The following AHDC1 variants were observed in gnomAD, a reference collection of about 807,000 sequenced individuals.
AHDC1 encodes the protein transcription factor Gibbin.
AHDC1 carries 7 observed loss-of-function variants against 87.9 expected under a neutral mutation model. The ratio of observed to expected loss-of-function variants is 0.08; its 90% CI spans 0.05 to 0.15. AHDC1 has a LOEUF of 0.15. AHDC1 is among the 10% of genes least tolerant of loss of function. AHDC1 has a pLI of 1.00. For synonymous variants in AHDC1, 1,051 were observed against 1,006.8 expected, an observed-to-expected ratio of 1.04 and a Z score of -0.83; for missense variants, 1,841 against 2,253.2, an observed-to-expected ratio of 0.82 and a Z score of 3.70.
chr1:27,550,592 C>T lies in AHDC1; in HGVS notation c.1524G>A (p.Glu508=), dbSNP rs754045086. ...GCTCAGCCGACACGCGCAGGCCCAG[C>T]TCCTTGCCCTCCACGCTCAGGCTGC... is the stretch of plus-strand genomic sequence containing the variant. ...LSSSLSVEGK[E]LGLRVSAEPT... is the part of the protein sequence containing the mutation. The change falls in exon 8 of 9, where the codon GAG becomes GAA. Residue 508 remains glutamate, a synonymous_variant. Coordinates refer to ENST00000673934, the MANE Select transcript of AHDC1 (RefSeq NM_001371928.1). The T allele has an allele frequency of 2.5e-6, 4 of 1,613,806 alleles. No homozygotes were observed. Among genetic ancestry groups the T allele is most frequent in the Admixed American group, 1.7e-5 (1 of 60,032 alleles).
At chr1:27,573,018 C>A (rs1349494271) in intron 3 of AHDC1, among the ~76,000 whole-genome samples, 2 of 152,224 alleles carry the variant, frequency 1.3e-5, no homozygotes, top group African/African-American at 4.8e-5. Flanking sequence ...CAACAGAGAC[C>A]TAGGGAAGCA....
At chr1:27,564,334 A>C (rs989638093) in intron 3 of AHDC1, among the ~76,000 whole-genome samples, 1 of 152,060 alleles carries the variant, frequency 6.6e-6, no homozygotes, top group Non-Finnish European at 1.5e-5. Context: ...CAGAAAGAAG[A>C]AGCTGAAGCT....
Position 27,587,582 on chromosome 1 carries a change from G to A in AHDC1, c.-629+15815C>T, listed in dbSNP as rs182963581. 2.6e-3 allele frequency among the ~76,000 whole-genome samples: 399 copies of A among 152,264 alleles called. 1 individual carries two copies. The highest frequency in any genetic ancestry group is 3.6e-3 in the Non-Finnish European group (242 of 68,012). On this transcript the variant is annotated intron_variant, in intron 3 of 8. Coordinates refer to ENST00000673934, the MANE Select transcript of AHDC1 (RefSeq NM_001371928.1). The stretch of plus-strand genomic sequence containing the variant: ...TTTAAGCTTCTGGGGTGGAGGTGAA[G>A]GTGAAGACTCACTCTCTGCTGTCTG...
rs374987884 is a variant in AHDC1 at position 27,549,651 on chromosome 1, G to A, written c.2465C>T (p.Pro822Leu). Residue 822 changes from proline (P) to leucine (L), a missense_variant, in exon 8 of 9, where the codon CCC becomes CTC. Physicochemically the swap from Pro to Leu is moderately conservative, Grantham distance 98. This residue lies in a region of AHDC1 where 236 missense variants were observed against 257.9 expected (regional missense o/e 0.92). Transcript: ENST00000673934. ...GRGSYYSTGA[P>L]SGQTELSQER... ...CTGGCTGAGCTCGGTCTGGCCTGAG[G>A]GTGCACCCGTGCTGTAGTAGCTGCC... 8.1e-6 allele frequency: 13 copies of A among 1,613,020 alleles called. No homozygotes were observed. Among genetic ancestry groups the A allele is most frequent in the South Asian group, 4.4e-5 (4 of 91,090 alleles).
At chr1:27,541,001 T>TAAAAAA (rs55912405) in intron 8 of AHDC1, among the ~76,000 whole-genome samples, 63 of 72,310 alleles carry the variant, frequency 8.7e-4, no homozygotes, top group Middle Eastern at 9.3e-3. Flanking sequence ...CTAAAAATGC[T>TAAAAAA]AAAAAAAAAA....
At position 27,550,025 on chromosome 1, in the gene AHDC1, G is replaced by A. The variant is rs2019443933; in HGVS notation, c.2091C>T (p.Gly697=). Residue 697 remains glycine (G), a synonymous_variant, in exon 8 of 9, where the codon GGC becomes GGT. Coordinates refer to ENST00000673934, the MANE Select transcript of AHDC1 (RefSeq NM_001371928.1). ...ARCSFSDFFE[G]IGKKKKVVAV... Reference sequence around the variant, plus strand: ...CCACCACCTTCTTTTTCTTGCCGATGCCCTCAAAGAAGTCACTGAAGGAGC... The same window carrying A: ...CCACCACCTTCTTTTTCTTGCCGATACCCTCAAAGAAGTCACTGAAGGAGC... 6.3e-7 allele frequency: 1 copy of A among 1,599,000 alleles called. No homozygotes were observed. Among genetic ancestry groups the A allele is most frequent in the Non-Finnish European group, 8.5e-7 (1 of 1,170,270 alleles).
At chr1:27,546,328 CT>C (rs2019167242) in intron 8 of AHDC1, among the ~76,000 whole-genome samples, 2 of 152,206 alleles carry the variant, frequency 1.3e-5, no homozygotes, top group African/African-American at 4.8e-5. Flanking sequence ...CATTTTCTGT[CT>C]TTTATTTTCC....
At chr1:27,581,643 C>T (rs1378400253) in intron 3 of AHDC1, among the ~76,000 whole-genome samples, 1 of 152,190 alleles carries the variant, frequency 6.6e-6, no homozygotes. Flanking sequence ...TCCTGGTGGG[C>T]TCCCCCACCT....
intron 8 of AHDC1, among the ~76,000 whole-genome samples, chr1:27,538,191 C>A (rs1212501636): frequency 6.6e-6 from 1 of 151,860 alleles, no homozygotes; most frequent in Non-Finnish European, 1.5e-5. Flanking sequence ...CTCTTGAGCT[C>A]AGGAGCTCAA....
chr1:27,566,921 G>A (rs568123607), intron 3 of AHDC1, among the ~76,000 whole-genome samples: 1 of 152,008 alleles, frequency 6.6e-6, no homozygotes, highest in African/African-American at 2.4e-5. Flanking sequence ...GGCATGGTAG[G>A]GGGCTGAGGC....
chr1:27,550,782 G>A lies in AHDC1; in HGVS notation c.1334C>T (p.Pro445Leu), dbSNP rs769112180. ...PPPPALPGPG[P>L]VSVPELKPES... The stretch of plus-strand genomic sequence containing the variant: ...CGGCTTCAACTCTGGGACTGAGACC[G>A]GGCCTGGGCCTGGCAGGGCAGGGGG... The change falls in exon 8 of 9, where the codon CCG (proline) becomes CTG (leucine). Residue 445 changes from proline (P) to leucine (L), a missense_variant. Physicochemically the swap from Pro to Leu is moderately conservative, Grantham distance 98. Coordinates refer to ENST00000673934, the MANE Select transcript of AHDC1 (RefSeq NM_001371928.1). 6.1e-5 allele frequency: 96 copies of A among 1,567,972 alleles called. No homozygotes were observed. The highest frequency in any genetic ancestry group is 7.7e-5 in the Non-Finnish European group (89 of 1,157,234).
At chr1:27,537,659 C>T (rs1216635805) in intron 8 of AHDC1, among the ~76,000 whole-genome samples, 1 of 152,220 alleles carries the variant, frequency 6.6e-6, no homozygotes, top group African/African-American at 2.4e-5. Flanking sequence ...ATATGTGGTA[C>T]TGCTGCACAC....
At chr1:27,602,411 A>AC (rs534669692) in intron 3 of AHDC1, among the ~76,000 whole-genome samples, 11 of 151,462 alleles carry the variant, frequency 7.3e-5, no homozygotes, top group South Asian at 4.2e-4. Context: ...CTGCTGGGGA[A>AC]CCCCCCCAAG....
rs1328184767 is a variant in AHDC1, at chr1:27,561,829, G to A, written c.-628-2946C>T. On this transcript the variant is annotated intron_variant, in intron 3 of 8. Coordinates refer to ENST00000673934, the MANE Select transcript of AHDC1 (RefSeq NM_001371928.1). This position sits in a 1 kb window ranked among gnomAD's most constrained non-coding sequence, Gnocchi z 4.2. ...AGAGAAAGACAGAAACTGGAAGACG[G>A]GCACGCACAAACACAAAAGCAGAGA... is the stretch of plus-strand genomic sequence containing the variant. Among the ~76,000 whole-genome samples the A allele has an allele frequency of 6.6e-6, 1 of 152,084 alleles. No individual in the cohort carries two copies. Among genetic ancestry groups the A allele is most frequent in the African/African-American group, 2.4e-5 (1 of 41,408 alleles).
At chr1:27,564,182 T>C (rs1235440477) in intron 3 of AHDC1, among the ~76,000 whole-genome samples, 2 of 151,626 alleles carry the variant, frequency 1.3e-5, no homozygotes, top group East Asian at 3.9e-4. Flanking sequence ...CTGGCCATAG[T>C]GGTGAGGGAG....
intron 8 of AHDC1, among the ~76,000 whole-genome samples, chr1:27,538,380 G>A (rs1352558522): frequency 1.6e-5 from 2 of 127,530 alleles, no homozygotes; most frequent in Non-Finnish European, 3.4e-5. Flanking sequence ...TCCAGCCTGG[G>A]TGACAGAGCA....
At chr1:27,602,271 T>C (rs893911617) in intron 3 of AHDC1, among the ~76,000 whole-genome samples, 1 of 151,192 alleles carries the variant, frequency 6.6e-6, no homozygotes, top group African/African-American at 2.4e-5. Flanking sequence ...CCCCCGCTTC[T>C]CTCCCTCCTC....
rs2020111003 is a variant in AHDC1, at chr1:27,562,051, GGAGA to G, written c.-628-3172_-628-3169del. Reference sequence around the variant, plus strand: ...GAGCCAGGCAGAGATGGGAAAGGCAGGAGAGAGCAGGGACCAGGGGTTTCTGCAG... The same window carrying G: ...GAGCCAGGCAGAGATGGGAAAGGCAGGAGCAGGGACCAGGGGTTTCTGCAG... On this transcript the variant is annotated intron_variant, in intron 3 of 8. Coordinates refer to ENST00000673934, the MANE Select transcript of AHDC1 (RefSeq NM_001371928.1). This position sits in a 1 kb window ranked among gnomAD's most constrained non-coding sequence, Gnocchi z 4.4. Among the ~76,000 whole-genome samples the G allele has an allele frequency of 6.6e-6, 1 of 152,126 alleles. No individual in the cohort carries two copies. Among genetic ancestry groups the G allele is most frequent in the South Asian group, 2.1e-4 (1 of 4,830 alleles).
chr1:27,600,308 G>C (rs1188676082), intron 3 of AHDC1, among the ~76,000 whole-genome samples: 2 of 151,958 alleles, frequency 1.3e-5, no homozygotes, highest in Admixed American at 6.5e-5. Context: ...AGACCCAGGG[G>C]ACCCAGAGAC....
Sources: allele counts gnomAD v4.1 joint callset (sites outside exome capture counted in the v4.1 genomes callset), GRCh38; gene constraint gnomAD v4.1.1; regional missense constraint gnomAD v4.1.1; non-coding constraint Gnocchi (gnomAD v3.1); transcripts MANE v1.5; gene names NCBI Gene and HGNC (gene_info 2026-07-23, HGNC 2026-07-21).